Variants in CLEC2L observed in about 807,000 individuals in gnomAD.
CLEC2L encodes C-type lectin domain family 2, member L.
In CLEC2L, 14 loss-of-function variants were observed where a neutral mutation model predicts 23.6. The observed-to-expected ratio is 0.59, with a 90% CI of 0.39 to 0.93. The LOEUF is 0.93. Ranked by LOEUF, CLEC2L falls within the 40% of genes least tolerant of loss-of-function variation. The pLI is 0.00. For synonymous variants in CLEC2L, 114 were observed against 121.3 expected, an observed-to-expected ratio of 0.94 and a Z score of 0.40; for missense variants, 264 against 282.4, an observed-to-expected ratio of 0.93 and a Z score of 0.47.
chr7:139,525,104 G>A (rs559554101), intron 1 of CLEC2L, among the ~76,000 whole-genome samples: 45 of 152,250 alleles, frequency 3.0e-4, no homozygotes, highest in Admixed American at 2.9e-3. Context: ...GGAGAGAGAC[G>A]GGCCTGAAGG....
intron 1 of CLEC2L, among the ~76,000 whole-genome samples, chr7:139,524,768 C>T (rs1193414736): frequency 9.2e-5 from 14 of 152,098 alleles, no homozygotes; most frequent in Admixed American, 7.2e-4. Context: ...CTACCGCCGG[C>T]GGCGTGTGGT....
In CLEC2L at chr7:139,540,541, C is replaced by A. The variant is rs758692257; in HGVS notation, c.432+54C>A. ...GGGAAGGGACCCTCAGGGCCCCCAA[C>A]CTTGACTCTAGGGGACAGCCACACA... On this transcript the variant is annotated intron_variant, in intron 3 of 4. Transcript: ENST00000422142. This position sits in a 1 kb window ranked among gnomAD's most constrained non-coding sequence, Gnocchi z 5.8. 613 of 1,543,470 alleles carry A rather than the reference C, an allele frequency of 4.0e-4. 4 individuals carry two copies. The highest frequency in any genetic ancestry group is 4.7e-4 in the Non-Finnish European group (541 of 1,140,986).
intron 1 of CLEC2L, among the ~76,000 whole-genome samples, chr7:139,530,629 A>G (rs1797568473): frequency 6.6e-6 from 1 of 152,066 alleles, no homozygotes; most frequent in African/African-American, 2.4e-5. Flanking sequence ...CCCGACCAAC[A>G]TGGTGAAACC....
chr7:139,524,232 G>GCGCGGCGCCGGGA (rs1417943435), intron 1 of CLEC2L, 115 bp downstream of exon 1: 1 of 1,044,362 alleles, frequency 9.6e-7, no homozygotes, highest in Non-Finnish European at 1.2e-6. Flanking sequence ...AGCGCTGGGA[G>GCGCGGCGCCGGGA]CGCGGCGCCG....
chr7:139,537,081 G>A (rs1212027881), intron 2 of CLEC2L, among the ~76,000 whole-genome samples: 1 of 149,894 alleles, frequency 6.7e-6, no homozygotes, highest in Non-Finnish European at 1.5e-5. Context: ...AAAAAAAGAC[G>A]AATATGACAC....
intron 1 of CLEC2L, 99 bp downstream of exon 1, chr7:139,524,216 G>A (rs927935665): frequency 9.6e-7 from 1 of 1,044,928 alleles, no homozygotes; most frequent in Non-Finnish European, 1.2e-6. Flanking sequence ...CGCTGTCCCG[G>A]AGGGGAGCGC....
At chr7:139,543,159 G>C (rs1353735094) in intron 4 of CLEC2L, among the ~76,000 whole-genome samples, 4 of 152,164 alleles carry the variant, frequency 2.6e-5, no homozygotes, top group Non-Finnish European at 5.9e-5. Flanking sequence ...AGCCCTGGAG[G>C]CAGGGGCATT....
At chr7:139,534,549 T>A (rs1797626030) in intron 1 of CLEC2L, 2 of 759,044 alleles carry the variant, frequency 2.6e-6, no homozygotes, top group Admixed American at 1.7e-5. Context: ...AACAGGCTGA[T>A]AAATAATTGT....
intron 4 of CLEC2L, among the ~76,000 whole-genome samples, 178 bp downstream of exon 4, chr7:139,542,299 C>G (rs904559521): frequency 1.3e-5 from 2 of 152,196 alleles, no homozygotes; most frequent in Non-Finnish European, 2.9e-5. Flanking sequence ...ACTTCTCCCT[C>G]TCTCATAAAA....
intron 4 of CLEC2L, among the ~76,000 whole-genome samples, chr7:139,543,703 A>G (rs1797768820): frequency 6.6e-6 from 1 of 152,154 alleles, no homozygotes; most frequent in Non-Finnish European, 1.5e-5. Context: ...CTAACCTGTG[A>G]GGGGTAGCTG....
chr7:139,534,545 C>A, intron 1 of CLEC2L: 2 of 761,364 alleles, frequency 2.6e-6, no homozygotes, highest in Non-Finnish European at 2.4e-6. Context: ...GCTCAACAGG[C>A]TGATAAATAA....
At chr7:139,530,192 A>C (rs1797561625) in intron 1 of CLEC2L, among the ~76,000 whole-genome samples, 1 of 151,672 alleles carries the variant, frequency 6.6e-6, no homozygotes, top group Admixed American at 6.6e-5. Flanking sequence ...TCAAAAAAAA[A>C]ACCAAACCAA....
At position 139,539,994 on chromosome 7, in the gene CLEC2L, G is replaced by A. The variant is rs151134993; in HGVS notation, c.266-327G>A. On this transcript the variant is annotated intron_variant, in intron 2 of 4. Coordinates refer to ENST00000422142, the MANE Select transcript of CLEC2L (RefSeq NM_001080511.4). This position sits in a 1 kb window ranked among gnomAD's most constrained non-coding sequence, Gnocchi z 4.1. ...CTGTTGGTACCTGGCCTAGCTGGAA[G>A]GAGAGGACACATAGCCGCCAGACCT... 113 of 323,316 alleles carry A rather than the reference G, an allele frequency of 3.5e-4. 1 individual carries two copies. Among genetic ancestry groups the A allele is most frequent in the African/African-American group, 2.3e-3 (109 of 47,148 alleles). The allele number at this position is 323,316 out of a possible 1,614,324, so 20.0% of individuals were successfully genotyped here. A position where few individuals can be genotyped will look rare whatever the true frequency, so the allele number is the denominator to read the frequency against.
chr7:139,526,846 A>C (rs1007258609), intron 1 of CLEC2L, among the ~76,000 whole-genome samples: 9 of 152,128 alleles, frequency 5.9e-5, no homozygotes, highest in Non-Finnish European at 1.2e-4. Flanking sequence ...CAACACTTGG[A>C]CTTCTGGTCA....
chr7:139,543,535 G>T (rs1315824739), intron 4 of CLEC2L, among the ~76,000 whole-genome samples: 1 of 152,220 alleles, frequency 6.6e-6, no homozygotes, highest in Non-Finnish European at 1.5e-5. Flanking sequence ...CGGAGGTCCG[G>T]GTGAACAACT....
chr7:139,544,775 G>T lies in CLEC2L; in HGVS notation c.*433G>T, dbSNP rs1332858700. On this transcript the variant is annotated 3_prime_UTR_variant, in exon 5 of 5. Coordinates refer to ENST00000422142, the MANE Select transcript of CLEC2L (RefSeq NM_001080511.4). ...AGGTGGTTTGACTGTTCACCCAGCA[G>T]CCCCGCTTCCCCACTGGTTTCTCTC... The T allele has an allele frequency of 6.5e-6, 1 of 153,682 alleles. No individual in the cohort carries two copies. Among genetic ancestry groups the T allele is most frequent in the East Asian group, 1.9e-4 (1 of 5,228 alleles). The allele number at this position is 153,682 out of a possible 1,614,324, so 9.5% of individuals were successfully genotyped here. A position where few individuals can be genotyped will look rare whatever the true frequency, so the allele number is the denominator to read the frequency against.
At chr7:139,538,893 G>A (rs1217097502) in intron 2 of CLEC2L, among the ~76,000 whole-genome samples, 1 of 152,250 alleles carries the variant, frequency 6.6e-6, no homozygotes, top group Non-Finnish European at 1.5e-5. Context: ...CAGAGAATGT[G>A]TAGACATAGC....
Position 139,536,367 on chromosome 7 carries a change from G to A in CLEC2L, c.265+19G>A, listed in dbSNP as rs1484515392. 2 of 1,544,958 alleles carry A rather than the reference G, an allele frequency of 1.3e-6. No homozygotes were observed. The highest frequency in any genetic ancestry group is 1.8e-6 in the Non-Finnish European group (2 of 1,141,480). ...ATCTTGGGTGAGCATGCGTGTCAGA[G>A]CATTTATGCATTCAGTTTGCACATT... On this transcript the variant is annotated intron_variant, in intron 2 of 4. Transcript: ENST00000422142.
chr7:139,524,787 T>C (rs1797482904), intron 1 of CLEC2L, among the ~76,000 whole-genome samples: 1 of 151,990 alleles, frequency 6.6e-6, no homozygotes, highest in Non-Finnish European at 1.5e-5. Flanking sequence ...GTGTGGGAGA[T>C]GCAGGAGTTG....
Sources: allele counts gnomAD v4.1 joint callset (sites outside exome capture counted in the v4.1 genomes callset), GRCh38; gene constraint gnomAD v4.1.1; non-coding constraint Gnocchi (gnomAD v3.1); transcripts MANE v1.5; gene names NCBI Gene and HGNC (gene_info 2026-07-23, HGNC 2026-07-21).